ASIC2: variants seen among roughly 807,000 people sequenced by gnomAD.
ASIC2 encodes acid-sensing ion channel 2.
In ASIC2, 25 loss-of-function variants were observed where a neutral mutation model predicts 57.3. The ratio of observed to expected loss-of-function variants is 0.44; its 90% CI spans 0.32 to 0.61. The LOEUF (loss-of-function observed/expected upper bound fraction) is 0.61, where lower values mean the gene tolerates loss of function less well. Among genes scored for constraint, ASIC2 ranks in the 20% least tolerant of loss-of-function variants. The probability of loss-of-function intolerance (pLI) is 0.06; values close to 1 mark genes in which losing one functional copy is unlikely to be tolerated. For synonymous variants in ASIC2, 319 were observed against 307.5 expected (o/e 1.04, Z -0.39); for missense variants, 641 against 738.1 (o/e 0.87, Z 1.52).
intron 1 of ASIC2, chr17:33,828,299 T>C (rs1454491591): frequency 6.6e-6 from 1 of 152,194 alleles, no homozygotes; most frequent in Non-Finnish European, 1.5e-5. Flanking sequence ...TCTGTAATCT[T>C]GATATGCCTT....
At chr17:33,824,729 T>C (rs1174279277) in intron 1 of ASIC2, among the ~76,000 whole-genome samples, 1 of 151,338 alleles carries the variant, frequency 6.6e-6, no homozygotes, top group Non-Finnish European at 1.5e-5. Flanking sequence ...TCTCACAAGA[T>C]CTGATGGTTT....
intron 1 of ASIC2, chr17:33,834,215 ATT>A: frequency 7.6e-6 from 1 of 132,154 alleles, no homozygotes; most frequent in African/African-American, 2.6e-5. Flanking sequence ...GATGTCAATC[ATT>A]ATCTTTTGCT....
chr17:34,039,457 G>T (rs1230732927), intron 1 of ASIC2: 8 of 1,613,458 alleles, frequency 5.0e-6, no homozygotes, highest in Non-Finnish European at 5.1e-6. Flanking sequence ...CTCCTCCGTT[G>T]CCTCCTTTGC....
chr17:34,039,253 T>A, intron 1 of ASIC2: 1 of 1,614,002 alleles, frequency 6.2e-7, no homozygotes, highest in Non-Finnish European at 8.5e-7. Flanking sequence ...GGACTGGGTC[T>A]GTCTGTGCTG....
intron 1 of ASIC2, among the ~76,000 whole-genome samples, chr17:33,827,198 A>G (rs180960256): frequency 1.3e-4 from 20 of 152,300 alleles, no homozygotes; most frequent in African/African-American, 4.8e-4. Context: ...TTGTCTAAAC[A>G]GAAATATTCA....
At chr17:33,603,665 A>T (rs1042122643) in intron 1 of ASIC2, among the ~76,000 whole-genome samples, 3 of 152,214 alleles carry the variant, frequency 2.0e-5, no homozygotes, top group African/African-American at 7.2e-5. Context: ...TGGATTCTAG[A>T]TCCTTCCCCT....
At chr17:33,973,528 G>A (rs1259579445) in intron 1 of ASIC2, among the ~76,000 whole-genome samples, 1 of 152,196 alleles carries the variant, frequency 6.6e-6, no homozygotes, top group African/African-American at 2.4e-5. Flanking sequence ...ATTCCAGAGT[G>A]AAGATTGGGT....
At chr17:33,368,476 T>C (rs748646582) in intron 1 of ASIC2, among the ~76,000 whole-genome samples, 1 of 152,212 alleles carries the variant, frequency 6.6e-6, no homozygotes, top group Non-Finnish European at 1.5e-5. Flanking sequence ...TGGAGTCTTA[T>C]TTGAATTCCT....
intron 1 of ASIC2, among the ~76,000 whole-genome samples, chr17:33,579,131 A>C (rs544642069): frequency 2.6e-5 from 4 of 152,032 alleles, no homozygotes; most frequent in Admixed American, 6.5e-5. Context: ...CTAAAAATAT[A>C]AAACAGTAGC....
chr17:33,378,471 C>T (rs1206067411), intron 1 of ASIC2, among the ~76,000 whole-genome samples: 1 of 152,094 alleles, frequency 6.6e-6, no homozygotes. Context: ...GTGGGCTGTC[C>T]CTGCAGGCCT....
chr17:33,665,416 AG>A (rs1907439248), intron 1 of ASIC2, among the ~76,000 whole-genome samples: 1 of 152,132 alleles, frequency 6.6e-6, no homozygotes, highest in Non-Finnish European at 1.5e-5. Flanking sequence ...CACAGAGGGT[AG>A]GGTAGGAATG....
chr17:33,019,011 G>A (rs752753946), intron 7 of ASIC2, among the ~76,000 whole-genome samples: 48 of 152,186 alleles, frequency 3.2e-4, no homozygotes, highest in Non-Finnish European at 5.4e-4. Context: ...CTTCCCAGTG[G>A]AACGCGGTGC....
intron 1 of ASIC2, among the ~76,000 whole-genome samples, chr17:33,385,405 G>A (rs759761584): frequency 2.0e-5 from 3 of 152,048 alleles, no homozygotes; most frequent in Admixed American, 1.3e-4. Context: ...GCATCCCACC[G>A]TCTGTCTTCA....
chr17:33,127,940 C>T (rs571244581), intron 1 of ASIC2, among the ~76,000 whole-genome samples: 2 of 152,354 alleles, frequency 1.3e-5, no homozygotes, highest in South Asian at 2.1e-4. Context: ...TTCCTTCTAG[C>T]CTCTTCTCTC....
intron 3 of ASIC2, among the ~76,000 whole-genome samples, chr17:33,039,021 A>G (rs1270237850): frequency 1.3e-5 from 2 of 152,176 alleles, no homozygotes; most frequent in East Asian, 3.9e-4. Flanking sequence ...CTGTGAGTGG[A>G]TGCTGAGAAG....
chr17:33,359,739 T>G (rs964037935), intron 1 of ASIC2, among the ~76,000 whole-genome samples: 14 of 152,190 alleles, frequency 9.2e-5, no homozygotes, highest in Non-Finnish European at 2.1e-4. Flanking sequence ...TAGGGCACCT[T>G]TTTGCCTTCC....
chr17:34,026,764 A>G (rs116367384), intron 1 of ASIC2, among the ~76,000 whole-genome samples: 23 of 152,306 alleles, frequency 1.5e-4, no homozygotes, highest in African/African-American at 5.3e-4. Context: ...CAGATGAGAA[A>G]ACTGAGGCCC....
chr17:33,310,693 T>C (rs1315451619), intron 1 of ASIC2, among the ~76,000 whole-genome samples: 1 of 152,196 alleles, frequency 6.6e-6, no homozygotes, highest in Non-Finnish European at 1.5e-5. Context: ...AGGGGAAAAG[T>C]ACTCATATAG....
At chr17:33,850,449 T>A (rs945218459) in intron 1 of ASIC2, among the ~76,000 whole-genome samples, 2 of 152,218 alleles carry the variant, frequency 1.3e-5, no homozygotes, top group Non-Finnish European at 2.9e-5. Context: ...CGCATAAATT[T>A]CCTTAAGCCT....
Sources: gnomAD v4.1 joint callset for allele counts (sites outside exome capture counted in the v4.1 genomes callset) on GRCh38, gnomAD v4.1.1 for gene constraint, MANE v1.5 for transcripts, NCBI Gene and HGNC (gene_info 2026-07-23, HGNC 2026-07-21) for gene names.